Variants in TRAF3IP1 observed in about 807,000 individuals in gnomAD.
TRAF3IP1 encodes the protein intraflagellar transport 54, also known as TRAF3-interacting protein 1.
A neutral mutation model predicts 89.9 loss-of-function variants in TRAF3IP1; 53 were observed. The ratio of observed to expected loss-of-function variants is 0.59; its 90% CI spans 0.47 to 0.74. The LOEUF is 0.74. Among genes scored for constraint, TRAF3IP1 ranks in the 30% least tolerant of loss-of-function variants. The pLI, the probability that TRAF3IP1 is intolerant of heterozygous loss-of-function variation, is 0.00. For synonymous variants in TRAF3IP1, 311 were observed against 322.1 expected (o/e 0.97, Z 0.37); for missense variants, 806 against 866.1 (o/e 0.93, Z 0.87).
intron 15 of TRAF3IP1, among the ~76,000 whole-genome samples, chr2:238,389,814 CAAAT>C (rs1164371834): frequency 2.0e-5 from 3 of 151,270 alleles, no homozygotes; most frequent in East Asian, 3.9e-4. Flanking sequence ...AGTTGAAATT[CAAAT>C]AAATCTCTAA....
intron 15 of TRAF3IP1, among the ~76,000 whole-genome samples, chr2:238,383,912 A>T (rs200686793): frequency 6.6e-6 from 1 of 152,174 alleles, no homozygotes; most frequent in Non-Finnish European, 1.5e-5. Context: ...GGGAGGCTTA[A>T]GTCTGTCATC....
intron 15 of TRAF3IP1, among the ~76,000 whole-genome samples, chr2:238,366,577 TATAATC>T (rs1668009269): frequency 6.6e-6 from 1 of 152,200 alleles, no homozygotes; most frequent in Non-Finnish European, 1.5e-5. Context: ...TGAATGATAA[TATAATC>T]AATAAAGATT....
chr2:238,325,445 T>C (rs894899390), intron 2 of TRAF3IP1, 71 bp downstream of exon 2: 16 of 1,481,896 alleles, frequency 1.1e-5, no homozygotes, highest in Admixed American at 8.4e-5. Context: ...GGCCTGGTAG[T>C]GTGGCTTGTG....
chr2:238,372,041 A>G (rs1451424920), intron 15 of TRAF3IP1, among the ~76,000 whole-genome samples: 2 of 152,204 alleles, frequency 1.3e-5, no homozygotes, highest in African/African-American at 4.8e-5. Flanking sequence ...GAAGAATAAC[A>G]TAATAATAAT....
In TRAF3IP1 at chr2:238,357,148, CAT is replaced by C. The variant is rs147565536; in HGVS notation, c.1689+1069_1689+1070del. Among the ~76,000 whole-genome samples the C allele has an allele frequency of 8.6e-3, 1,307 of 152,292 alleles. 15 individuals carry two copies. The highest frequency in any genetic ancestry group is 0.03 in the African/African-American group (1,250 of 41,554). Reference sequence around the variant, plus strand: ...CTGGTTCCCCGCAGTCTCCCTCACACATGTGTGATGTGCTTTTGTTGGGACCT... The same window carrying C: ...CTGGTTCCCCGCAGTCTCCCTCACACGTGTGATGTGCTTTTGTTGGGACCT... On this transcript the variant is annotated intron_variant, in intron 15 of 16. Transcript: ENST00000373327.
chr2:238,333,864 C>A, intron 6 of TRAF3IP1, 96 bp from the exon 7 acceptor site: 2 of 1,031,962 alleles, frequency 1.9e-6, no homozygotes, highest in Non-Finnish European at 2.9e-6. Context: ...GGATTTCATA[C>A]TTGTTCTTCC....
At chr2:238,368,715 G>A (rs1178691400) in intron 15 of TRAF3IP1, among the ~76,000 whole-genome samples, 1 of 152,086 alleles carries the variant, frequency 6.6e-6, no homozygotes, top group Non-Finnish European at 1.5e-5. Context: ...TTGTTGCCCA[G>A]GCTGGAGTGC....
intron 8 of TRAF3IP1, among the ~76,000 whole-genome samples, chr2:238,338,922 C>A (rs919466347): frequency 3.3e-5 from 5 of 152,186 alleles, no homozygotes; most frequent in African/African-American, 7.2e-5. Context: ...GTGTGCCCAG[C>A]CCTCGTCCTG....
intron 9 of TRAF3IP1, 116 bp downstream of exon 9, chr2:238,344,714 G>C: frequency 1.2e-6 from 1 of 850,216 alleles, no homozygotes; most frequent in Non-Finnish European, 2.0e-6. Flanking sequence ...TCTGAACGTG[G>C]CAAGTGATTC....
At chr2:238,349,228 G>A in intron 11 of TRAF3IP1, 97 bp from the exon 12 acceptor site, 2 of 1,139,558 alleles carry the variant, frequency 1.8e-6, no homozygotes, top group African/African-American at 1.5e-5. Context: ...ATTATGGCTT[G>A]GAGATGAGAG....
At chr2:238,359,203 C>G (rs1699555711) in intron 15 of TRAF3IP1, among the ~76,000 whole-genome samples, 1 of 152,218 alleles carries the variant, frequency 6.6e-6, no homozygotes, top group African/African-American at 2.4e-5. Flanking sequence ...GGCCACTTTC[C>G]TCCTCAAAGT....
intron 15 of TRAF3IP1, among the ~76,000 whole-genome samples, chr2:238,384,376 G>GTA (rs752363460): frequency 7.8e-6 from 1 of 128,312 alleles, no homozygotes; most frequent in Non-Finnish European, 1.7e-5. Context: ...ATGTATGTAT[G>GTA]TATGTATATA....
rs764295616 is a variant in TRAF3IP1 at position 238,352,962 on chromosome 2, G to A, written c.1575+12G>A. 115 of 1,601,056 alleles carry A rather than the reference G, an allele frequency of 7.2e-5. No homozygotes were observed. Among genetic ancestry groups the A allele is most frequent in the Non-Finnish European group, 8.3e-5 (98 of 1,175,516 alleles). On this transcript the variant is annotated intron_variant, in intron 13 of 16. Coordinates refer to ENST00000373327, the MANE Select transcript of TRAF3IP1 (RefSeq NM_015650.4). ...CAGAAATTGAAATGGTTAGTTAACC[G>A]AAATATGATGTTTTTTAATAATAAT...
chr2:238,358,289 C>G (rs1044974887), intron 15 of TRAF3IP1, among the ~76,000 whole-genome samples: 2 of 152,022 alleles, frequency 1.3e-5, no homozygotes, highest in African/African-American at 4.8e-5. Context: ...GTAATCCCAG[C>G]ACTTTAGGAA....
At chr2:238,322,912 A>G (rs943667648) in intron 1 of TRAF3IP1, among the ~76,000 whole-genome samples, 4 of 152,148 alleles carry the variant, frequency 2.6e-5, no homozygotes, top group Non-Finnish European at 5.9e-5. Flanking sequence ...AAGGATTTTC[A>G]GATAATAGGT....
intron 1 of TRAF3IP1, among the ~76,000 whole-genome samples, chr2:238,324,235 T>G (rs1697699956): frequency 1.3e-5 from 2 of 152,028 alleles, no homozygotes; most frequent in Non-Finnish European, 2.9e-5. Context: ...GCCTGGCTAA[T>G]TTTTGTATTT....
chr2:238,376,444 G>A (rs1045886234), intron 15 of TRAF3IP1, among the ~76,000 whole-genome samples: 2 of 152,076 alleles, frequency 1.3e-5, no homozygotes, highest in African/African-American at 4.8e-5. Context: ...AGCCCCTGCC[G>A]CCTTATGCCT....
chr2:238,363,160 A>G (rs978164890), intron 15 of TRAF3IP1, among the ~76,000 whole-genome samples: 3 of 152,168 alleles, frequency 2.0e-5, no homozygotes, highest in African/African-American at 7.2e-5. Context: ...AGTTTTATAG[A>G]TACTCACTTT....
At chr2:238,392,628 A>C (rs548493531) in intron 15 of TRAF3IP1, among the ~76,000 whole-genome samples, 1 of 151,562 alleles carries the variant, frequency 6.6e-6, no homozygotes, top group African/African-American at 2.4e-5. Flanking sequence ...GCTGGAGTGC[A>C]ATGGCGTGAT....
Sources: gnomAD v4.1 joint callset for allele counts (sites outside exome capture counted in the v4.1 genomes callset) on GRCh38, gnomAD v4.1.1 for gene constraint, MANE v1.5 for transcripts, NCBI Gene and HGNC (gene_info 2026-07-23, HGNC 2026-07-21) for gene names.